The following SRCIN1 variants were observed in gnomAD, a reference collection of about 807,000 sequenced individuals.
The protein encoded by SRCIN1 is P130Cas-associated protein.
SRCIN1 carries 50 observed loss-of-function variants against 116.2 expected under a neutral mutation model. That is an observed-to-expected ratio of 0.43 (90% CI 0.34 to 0.54). SRCIN1 has a LOEUF of 0.54. Ranked by LOEUF, SRCIN1 falls within the 20% of genes least tolerant of loss-of-function variation. SRCIN1 has a pLI of 0.02. For missense variants in SRCIN1, 1,446 were observed against 1,672.0 expected (o/e 0.86, Z 2.36); for synonymous variants, 736 against 750.0 (o/e 0.98, Z 0.30).
chr17:38,578,090 AC>A (rs1907524955), intron 2 of SRCIN1, among the ~76,000 whole-genome samples: 1 of 151,946 alleles, frequency 6.6e-6, no homozygotes, highest in African/African-American at 2.4e-5. Flanking sequence ...GGTGCCGACG[AC>A]CCCAGCATCT....
At chr17:38,605,555 C>T in intron 1 of SRCIN1, 129 bp downstream of exon 1, 1 of 600,356 alleles carries the variant, frequency 1.7e-6, no homozygotes, top group Non-Finnish European at 2.5e-6. Context: ...CCTCGCCCCG[C>T]CGGCCACCGC....
intron 1 of SRCIN1, among the ~76,000 whole-genome samples, chr17:38,597,991 G>GC (rs369063160): frequency 3.3e-5 from 5 of 152,132 alleles, no homozygotes; most frequent in African/African-American, 1.2e-4. Context: ...GCCCCTTCCT[G>GC]CCCCTCCCAC....
At position 38,533,107 on chromosome 17, in the gene SRCIN1, A is replaced by AAAC; in HGVS notation, c.*189_*190insGTT. The AAAC allele has an allele frequency of 2.2e-6, 1 of 453,180 alleles. No homozygotes were observed. Among genetic ancestry groups the AAAC allele is most frequent in the African/African-American group, 2.1e-5 (1 of 47,400 alleles). 28.1% of individuals were successfully genotyped at this position (453,180 alleles called of 1,614,324 possible). A position where few individuals can be genotyped will look rare whatever the true frequency, so the allele number is the denominator to read the frequency against. Reference sequence around the variant, plus strand: ...AAAAGTTAATTGTTAAAAAAAAAAAAAAAAACAAAACCAAAAACACCAACA... The same window carrying AAAC: ...AAAAGTTAATTGTTAAAAAAAAAAAAAACAAAAACAAAACCAAAAACACCAACA... On this transcript the variant is annotated 3_prime_UTR_variant, in exon 19 of 19. Coordinates refer to ENST00000617146, the MANE Select transcript of SRCIN1 (RefSeq NM_025248.3).
At chr17:38,545,709 AT>A (rs1480822500) in intron 17 of SRCIN1, among the ~76,000 whole-genome samples, 1 of 152,114 alleles carries the variant, frequency 6.6e-6, no homozygotes, top group African/African-American at 2.4e-5. Context: ...GCAGGCACAC[AT>A]TTACTTTACA....
rs116408023 is a variant in SRCIN1 at position 38,562,967 on chromosome 17, G to T, written c.741-47C>A. On this transcript the variant is annotated intron_variant, in intron 5 of 18. Transcript: ENST00000617146. The surrounding 1 kb of genome is among the most constrained non-coding windows in gnomAD (Gnocchi z 4.2). ...GGGTCACCACCCATCCCCCAGCTGT[G>T]CACAATGAGAAGGGATGGCTACTCC... 0.025 allele frequency: 37,276 copies of T among 1,492,068 alleles called. 665 individuals carry two copies. The highest frequency in any genetic ancestry group is 0.029 in the Non-Finnish European group (30,942 of 1,077,250). The allele number at this position is 1,492,068 out of a possible 1,614,324, so 92.4% of individuals were successfully genotyped here.
chr17:38,545,370 A>C (rs1905015619), intron 17 of SRCIN1: 1 of 152,412 alleles, frequency 6.6e-6, no homozygotes, highest in African/African-American at 2.4e-5. Flanking sequence ...CCAGTTCCTC[A>C]AGTCTGGCCT....
intron 1 of SRCIN1, among the ~76,000 whole-genome samples, chr17:38,581,330 C>T (rs375182414): frequency 6.6e-6 from 1 of 150,534 alleles, no homozygotes; most frequent in Non-Finnish European, 1.5e-5. Flanking sequence ...TGCTTGAACC[C>T]GGGAGGCAGA....
intron 2 of SRCIN1, among the ~76,000 whole-genome samples, chr17:38,573,387 A>C (rs1714838179): frequency 2.0e-5 from 3 of 152,196 alleles, no homozygotes. Flanking sequence ...CTGGTCCTGC[A>C]CTTAACAAAA....
chr17:38,597,857 G>A (rs1395553618), intron 1 of SRCIN1, among the ~76,000 whole-genome samples: 1 of 152,182 alleles, frequency 6.6e-6, no homozygotes, highest in Non-Finnish European at 1.5e-5. Context: ...CTAAGAGTGG[G>A]AGGCAGACTG....
rs1904974260 is a variant in SRCIN1 at position 38,544,744 on chromosome 17, A to C, written c.3271-775T>G. On this transcript the variant is annotated intron_variant, in intron 17 of 18. Transcript: ENST00000617146. The surrounding 1 kb of genome is among the most constrained non-coding windows in gnomAD (Gnocchi z 4.5). ...CCTGCTCTGGCACCAGGCTCCCAGG[A>C]GAGTGGTAAGAGCTGAGAGAAGGCC... 1 of 152,056 alleles carries C rather than the reference A, an allele frequency of 6.6e-6. No homozygotes were observed. Among genetic ancestry groups the C allele is most frequent in the African/African-American group, 2.4e-5 (1 of 41,366 alleles). 9.4% of individuals were successfully genotyped at this position (152,056 alleles called of 1,614,324 possible). A position where few individuals can be genotyped will look rare whatever the true frequency, so the allele number is the denominator to read the frequency against.
intron 2 of SRCIN1, among the ~76,000 whole-genome samples, chr17:38,577,266 C>T (rs1454672815): frequency 1.3e-5 from 2 of 152,182 alleles, no homozygotes; most frequent in African/African-American, 4.8e-5. Context: ...TGCCCTTCTC[C>T]TCAAGCCAGT....
At chr17:38,538,873 A>C (rs1277833505) in intron 18 of SRCIN1, among the ~76,000 whole-genome samples, 3 of 152,128 alleles carry the variant, frequency 2.0e-5, no homozygotes, top group African/African-American at 7.2e-5. Context: ...CCCTAATCGC[A>C]TATCTCTCTG....
intron 1 of SRCIN1, among the ~76,000 whole-genome samples, chr17:38,595,874 T>C (rs549905751): frequency 1.3e-5 from 2 of 152,346 alleles, no homozygotes; most frequent in South Asian, 4.1e-4. Flanking sequence ...AGACATGTTC[T>C]CTACCAGCCA....
At position 38,604,394 on chromosome 17, in the gene SRCIN1, G is replaced by A; in HGVS notation, c.22+1290C>T. 3.0e-6 allele frequency: 1 copy of A among 337,458 alleles called. No homozygotes were observed. Among genetic ancestry groups the A allele is most frequent in the Admixed American group, 4.0e-5 (1 of 25,074 alleles). 20.9% of individuals were successfully genotyped at this position (337,458 alleles called of 1,614,324 possible). A position where few individuals can be genotyped will look rare whatever the true frequency, so the allele number is the denominator to read the frequency against. On this transcript the variant is annotated intron_variant, in intron 1 of 18. Coordinates refer to ENST00000617146, the MANE Select transcript of SRCIN1 (RefSeq NM_025248.3). This position sits in a 1 kb window ranked among gnomAD's most constrained non-coding sequence, Gnocchi z 4.3. ...AGCCCACTTTCCTTAAAGTTGGGGTGCTGCAGGACCTCCTTGTCCCACAAC... is the reference window on the plus strand; with the variant it reads ...AGCCCACTTTCCTTAAAGTTGGGGTACTGCAGGACCTCCTTGTCCCACAAC...
rs1567855922 is a variant in SRCIN1 at position 38,549,073 on chromosome 17, C to T, written c.3100G>A (p.Asp1034Asn). The change falls in exon 16 of 19, where the codon GAC becomes AAC. Residue 1034 changes from aspartate (D) to asparagine (N), a missense_variant. This residue lies in a region of SRCIN1 where 531 missense variants were observed against 633.9 expected (regional missense o/e 0.84). Coordinates refer to ENST00000617146, the MANE Select transcript of SRCIN1 (RefSeq NM_025248.3). ...AGTGGTACCTTGATGAAGGCCGAGT[C>T]CTTCTTGCTGGTGACCACCACCTCT... is the stretch of plus-strand genomic sequence containing the variant. ...TGEVVVTSKK[D>N]SAFIKKAESE... is the part of the protein sequence containing the mutation. 1 of 1,613,218 alleles carries T rather than the reference C, an allele frequency of 6.2e-7. No homozygotes were observed. The highest frequency in any genetic ancestry group is 8.5e-7 in the Non-Finnish European group (1 of 1,179,704).
intron 1 of SRCIN1, among the ~76,000 whole-genome samples, chr17:38,596,966 C>T (rs1269621361): frequency 2.0e-5 from 3 of 152,142 alleles, no homozygotes; most frequent in Non-Finnish European, 4.4e-5. Context: ...AGCCTTTTAC[C>T]CTGGGGCATG....
intron 2 of SRCIN1, among the ~76,000 whole-genome samples, chr17:38,574,484 G>A (rs1716808698): frequency 6.6e-6 from 1 of 152,184 alleles, no homozygotes. Context: ...GGGGAAGGCT[G>A]GATCTGCTCA....
chr17:38,574,603 A>G (rs960515462), intron 2 of SRCIN1, among the ~76,000 whole-genome samples: 4 of 152,124 alleles, frequency 2.6e-5, no homozygotes, highest in African/African-American at 7.2e-5. Flanking sequence ...GGAGAAAGGG[A>G]TACAAAAACT....
intron 1 of SRCIN1, among the ~76,000 whole-genome samples, chr17:38,583,173 C>T (rs1907915097): frequency 6.6e-6 from 1 of 152,024 alleles, no homozygotes; most frequent in African/African-American, 2.4e-5. Flanking sequence ...CTCAAGCTAG[C>T]CTCCAGCCTC....
Sources: allele counts gnomAD v4.1 joint callset (sites outside exome capture counted in the v4.1 genomes callset), GRCh38; gene constraint gnomAD v4.1.1; regional missense constraint gnomAD v4.1.1; non-coding constraint Gnocchi (gnomAD v3.1); transcripts MANE v1.5; gene names NCBI Gene and HGNC (gene_info 2026-07-23, HGNC 2026-07-21).